Variants in SLC47A2 observed in about 807,000 individuals in gnomAD.
SLC47A2 encodes solute carrier family 47 member 2.
SLC47A2 carries 52 observed loss-of-function variants against 67.7 expected under a neutral mutation model. That is an observed-to-expected ratio of 0.77 (90% CI 0.61 to 0.97). SLC47A2 has a LOEUF of 0.97. Among genes scored for constraint, SLC47A2 ranks in the 50% least tolerant of loss-of-function variants. The pLI, the probability that SLC47A2 is intolerant of heterozygous loss-of-function variation, is 0.00. For synonymous variants in SLC47A2, 278 were observed against 292.9 expected, an observed-to-expected ratio of 0.95 and a Z score of 0.52; for missense variants, 676 against 712.3, an observed-to-expected ratio of 0.95 and a Z score of 0.58.
chr17:19,708,016 C>T (rs888223554), intron 7 of SLC47A2, among the ~76,000 whole-genome samples, 173 bp from the exon 8 acceptor site: 1 of 152,230 alleles, frequency 6.6e-6, no homozygotes. Context: ...GCCATGGTGG[C>T]TCTACCAAGG....
At chr17:19,689,696 C>CA (rs377081377) in intron 13 of SLC47A2, among the ~76,000 whole-genome samples, 3,371 of 81,444 alleles carry the variant, frequency 0.041, 69 homozygotes, top group East Asian at 0.18. Flanking sequence ...GACCTTGTCT[C>CA]AAAAAAAAAA....
At chr17:19,713,407 A>ACTCATC (rs1567637509) in intron 4 of SLC47A2, among the ~76,000 whole-genome samples, 1 of 143,896 alleles carries the variant, frequency 6.9e-6, no homozygotes, top group African/African-American at 2.9e-5. Context: ...TAATAATAAT[A>ACTCATC]ATAATAATCA....
chr17:19,678,462 T>C lies in SLC47A2; in HGVS notation c.*224A>G. On this transcript the variant is annotated 3_prime_UTR_variant, in exon 17 of 17. Transcript: ENST00000433844. ...TTGGCTGATGTCTTCTGTAGAGCAG[T>C]CCAAGTCACAGAAGAAAACTCCAGC... 1.7e-6 allele frequency: 1 copy of C among 580,358 alleles called. No homozygotes were observed. Among genetic ancestry groups the C allele is most frequent in the Non-Finnish European group, 3.1e-6 (1 of 325,046 alleles). 36.0% of individuals were successfully genotyped at this position (580,358 alleles called of 1,614,324 possible).
At chr17:19,705,394 C>G (rs1567629215) in intron 10 of SLC47A2, 42 bp downstream of exon 10, 1 of 1,575,628 alleles carries the variant, frequency 6.3e-7, no homozygotes, top group African/African-American at 1.4e-5. Context: ...CTCCAGCCAT[C>G]AGGTGGGGGA....
intron 13 of SLC47A2, chr17:19,702,073 C>T: frequency 2.1e-6 from 2 of 953,680 alleles, no homozygotes; most frequent in Non-Finnish European, 2.5e-6. Flanking sequence ...CGCACTGCTG[C>T]ACTCCAGCCT....
At chr17:19,705,643 G>C (rs2085914414) in intron 9 of SLC47A2, 140 bp from the exon 10 acceptor site, 7 of 727,958 alleles carry the variant, frequency 9.6e-6, no homozygotes, top group Admixed American at 3.4e-5. Flanking sequence ...TCTGTCGCTT[G>C]AGCTGGAGTG....
chr17:19,711,894 A>G (rs1459779905), intron 5 of SLC47A2, among the ~76,000 whole-genome samples: 1 of 152,126 alleles, frequency 6.6e-6, no homozygotes, highest in African/African-American at 2.4e-5. Context: ...ATAAATAGAG[A>G]TTGGTTAATA....
In SLC47A2 at chr17:19,689,663, C is replaced by G. The variant is rs150427782; in HGVS notation, c.1165-7993G>C. Among the ~76,000 whole-genome samples the G allele has an allele frequency of 6.0e-3, 898 of 150,442 alleles. 11 individuals are homozygous for G. Among genetic ancestry groups the G allele is most frequent in the African/African-American group, 0.021 (849 of 40,824 alleles). ...AGTAAGCCATGATCATGCCACTGCACTCCAGCCTAAGTGACAGAGTGAGAC... is the reference window on the plus strand; with the variant it reads ...AGTAAGCCATGATCATGCCACTGCAGTCCAGCCTAAGTGACAGAGTGAGAC... On this transcript the variant is annotated intron_variant, in intron 13 of 16. Transcript: ENST00000433844.
chr17:19,716,592 C>T (rs556295634), upstream of SLC47A2: 13 of 1,547,306 alleles, frequency 8.4e-6, no homozygotes, highest in Admixed American at 2.0e-5. Flanking sequence ...CACGCCTGAG[C>T]GCCTGCACGG....
At chr17:19,714,122 T>A (rs1481798494) in intron 3 of SLC47A2, 149 bp from the exon 4 acceptor site, 6 of 1,086,692 alleles carry the variant, frequency 5.5e-6, no homozygotes, top group Non-Finnish European at 7.7e-6. Flanking sequence ...CAGCCTGTAA[T>A]GGCACAGCGG....
At chr17:19,689,484 A>G (rs9909886) in intron 13 of SLC47A2, among the ~76,000 whole-genome samples, 47,398 of 151,868 alleles carry the variant, frequency 0.31, 7,618 homozygotes, top group East Asian at 0.52. Flanking sequence ...GTCTCTTGAG[A>G]CCAGGAGTTC....
chr17:19,681,468 G>A lies in SLC47A2; in HGVS notation c.1298-7C>T. 1.2e-6 allele frequency: 2 copies of A among 1,614,062 alleles called. No homozygotes were observed. The highest frequency in any genetic ancestry group is 4.5e-5 in the East Asian group (2 of 44,862). On this transcript the variant is annotated splice_polypyrimidine_tract_variant and splice_region_variant and intron_variant, in intron 14 of 16. Transcript: ENST00000433844. ...AGCATGCCCAGCCAGAGGCCTGGAG[G>A]AGACAAGTGATGATGGGAACAATGT...
intron 16 of SLC47A2, among the ~76,000 whole-genome samples, chr17:19,679,585 G>A (rs538765468): frequency 1.3e-5 from 2 of 152,294 alleles, no homozygotes; most frequent in African/African-American, 4.8e-5. Context: ...AGTTCAGTGG[G>A]GGAGATCATG....
intron 15 of SLC47A2, 140 bp downstream of exon 15, chr17:19,681,226 CA>C (rs565026578): frequency 0.012 from 7,168 of 587,352 alleles, no homozygotes; most frequent in Middle Eastern, 0.022. Flanking sequence ...AACAAACAAA[CA>C]AAAAAAAAAA....
At chr17:19,714,512 C>G (rs1475186910) in intron 3 of SLC47A2, 23 of 630,710 alleles carry the variant, frequency 3.6e-5, no homozygotes, top group Non-Finnish European at 4.2e-5. Context: ...CATCTCCACC[C>G]CTTTCTCCTG....
chr17:19,714,764 A>G lies in SLC47A2; in HGVS notation c.251T>C (p.Val84Ala). The G allele has an allele frequency of 1.9e-6, 3 of 1,614,100 alleles. No individual in the cohort carries two copies. Among genetic ancestry groups the G allele is most frequent in the Non-Finnish European group, 2.5e-6 (3 of 1,180,034 alleles). Residue 84 changes from valine to alanine, a missense_variant, in exon 3 of 17, where the codon GTA becomes GCA. By Grantham distance (64) the Val-to-Ala change is moderately conservative. Transcript: ENST00000433844. ...ACATGCCGAAGACAAACCAACTCCT[A>G]CAGAAACTCCGCAGACATTGACAAA... Reference protein sequence around the residue: ...VAFVNVCGVSVGVGLSSACDT... With the variant: ...VAFVNVCGVSAGVGLSSACDT...
At chr17:19,681,777 G>T in intron 13 of SLC47A2, 107 bp from the exon 14 acceptor site, 1 of 1,385,188 alleles carries the variant, frequency 7.2e-7, no homozygotes, top group Non-Finnish European at 9.9e-7. Context: ...GCTTCACTGA[G>T]TTCTCACAGC....
intron 16 of SLC47A2, 138 bp downstream of exon 16, chr17:19,679,814 C>T: frequency 1.2e-6 from 1 of 825,916 alleles, no homozygotes; most frequent in Non-Finnish European, 1.8e-6. Flanking sequence ...CTTAGGACAT[C>T]ATTTTCATAA....
intron 13 of SLC47A2, 132 bp from the exon 14 acceptor site, chr17:19,681,802 C>T (rs1597587329): frequency 1.8e-6 from 2 of 1,116,656 alleles, no homozygotes; most frequent in Non-Finnish European, 2.5e-6. Flanking sequence ...GATGGGTGCC[C>T]TTATCTCCCT....
Sources: allele counts gnomAD v4.1 joint callset (sites outside exome capture counted in the v4.1 genomes callset), GRCh38; gene constraint gnomAD v4.1.1; transcripts MANE v1.5; gene names NCBI Gene and HGNC (gene_info 2026-07-23, HGNC 2026-07-21).